The following CNTNAP2 variants were observed in gnomAD, a reference collection of about 807,000 sequenced individuals.
The protein encoded by CNTNAP2 is contactin associated protein 2, also known as contactin-associated protein-like 2.
A neutral mutation model predicts 155.2 loss-of-function variants in CNTNAP2; 98 were observed. The ratio of observed to expected loss-of-function variants is 0.63; its 90% CI spans 0.54 to 0.75. The LOEUF (loss-of-function observed/expected upper bound fraction) is 0.75, where lower values mean the gene tolerates loss of function less well. Among genes scored for constraint, CNTNAP2 ranks in the 30% least tolerant of loss-of-function variants. The pLI, the probability that CNTNAP2 is intolerant of heterozygous loss-of-function variation, is 0.00. For missense variants in CNTNAP2, 1,727 were observed against 1,688.1 expected, an observed-to-expected ratio of 1.02 and a Z score of -0.40; for synonymous variants, 651 against 631.2, an observed-to-expected ratio of 1.03 and a Z score of -0.47.
At chr7:147,331,354 G>T (rs1166436060) in intron 9 of CNTNAP2, among the ~76,000 whole-genome samples, 2 of 152,120 alleles carry the variant, frequency 1.3e-5, no homozygotes, top group Non-Finnish European at 2.9e-5. Flanking sequence ...CAAACATTTG[G>T]AAGTAAAGAT....
intron 10 of CNTNAP2, among the ~76,000 whole-genome samples, chr7:147,481,016 G>A (rs1383498581): frequency 6.6e-6 from 1 of 152,150 alleles, no homozygotes; most frequent in Non-Finnish European, 1.5e-5. Flanking sequence ...GATACACACG[G>A]CACTGTTCAT....
intron 3 of CNTNAP2, among the ~76,000 whole-genome samples, chr7:147,037,327 A>G (rs998809155): frequency 1.3e-5 from 2 of 151,998 alleles, no homozygotes; most frequent in African/African-American, 4.8e-5. Context: ...TATATTGTAT[A>G]TAAATGGGAA....
chr7:146,680,760 T>C (rs1800487872), intron 1 of CNTNAP2, among the ~76,000 whole-genome samples: 1 of 152,314 alleles, frequency 6.6e-6, no homozygotes, highest in South Asian at 2.1e-4. Context: ...CATGTGGCAA[T>C]GCTACAGCAG....
In CNTNAP2 at chr7:146,550,991, C is replaced by T. The variant is rs144054190; in HGVS notation, c.98-223280C>T. Among the ~76,000 whole-genome samples the T allele has an allele frequency of 8.8e-3, 1,337 of 151,888 alleles. 8 individuals carry two copies. Among genetic ancestry groups the T allele is most frequent in the Admixed American group, 0.013 (197 of 15,232 alleles). The stretch of plus-strand genomic sequence containing the variant: ...AATACCATGTTGACAGGCATGATTG[C>T]GGGAAAATTTGTAGATGGTGGAAAG... On this transcript the variant is annotated intron_variant, in intron 1 of 23. Transcript: ENST00000361727.
At chr7:148,037,121 A>G (rs1417191747) in intron 15 of CNTNAP2, among the ~76,000 whole-genome samples, 2 of 152,184 alleles carry the variant, frequency 1.3e-5, no homozygotes, top group African/African-American at 2.4e-5. Flanking sequence ...AGAATCCAGT[A>G]TTGCCCACTG....
chr7:146,539,656 C>T (rs1051054419), intron 1 of CNTNAP2, among the ~76,000 whole-genome samples: 4 of 152,010 alleles, frequency 2.6e-5, no homozygotes, highest in African/African-American at 9.7e-5. Flanking sequence ...TGCTGAAGAA[C>T]TGTAGATTTA....
chr7:147,905,901 A>G (rs928706763), intron 14 of CNTNAP2, among the ~76,000 whole-genome samples: 2 of 147,904 alleles, frequency 1.4e-5, no homozygotes, highest in African/African-American at 2.4e-5. Flanking sequence ...CAAAAAACAA[A>G]CAAACAAACA....
At chr7:146,974,628 G>C (rs116437331) in intron 3 of CNTNAP2, among the ~76,000 whole-genome samples, 263 of 152,236 alleles carry the variant, frequency 1.7e-3, no homozygotes, top group African/African-American at 6.0e-3. Flanking sequence ...TATTTAAATA[G>C]AGTCTTCACA....
intron 1 of CNTNAP2, among the ~76,000 whole-genome samples, chr7:146,258,327 T>G (rs1799870053): frequency 6.6e-6 from 1 of 152,238 alleles, no homozygotes; most frequent in Non-Finnish European, 1.5e-5. Context: ...GCCTGGATAC[T>G]AAGCCTCACA....
chr7:146,709,394 G>A (rs142723028), intron 1 of CNTNAP2, among the ~76,000 whole-genome samples: 27 of 152,156 alleles, frequency 1.8e-4, no homozygotes, highest in African/African-American at 6.0e-4. Flanking sequence ...AAAATGAAAG[G>A]GAAATCATAT....
intron 1 of CNTNAP2, among the ~76,000 whole-genome samples, chr7:146,622,539 A>G (rs1342354086): frequency 6.6e-6 from 1 of 152,116 alleles, no homozygotes; most frequent in Non-Finnish European, 1.5e-5. Flanking sequence ...ATCTGTATGT[A>G]TATTTAACTT....
chr7:147,858,036 G>A (rs1239629990), intron 13 of CNTNAP2, among the ~76,000 whole-genome samples: 2 of 152,208 alleles, frequency 1.3e-5, no homozygotes, highest in Non-Finnish European at 2.9e-5. Context: ...TGTTGAACTG[G>A]ATGAGGTATT....
At chr7:146,796,608 A>G (rs972463971) in intron 2 of CNTNAP2, among the ~76,000 whole-genome samples, 1 of 152,072 alleles carries the variant, frequency 6.6e-6, no homozygotes, top group Non-Finnish European at 1.5e-5. Context: ...AAGTGATATA[A>G]CGGTATAGGG....
chr7:146,174,671 A>G (rs538647787), intron 1 of CNTNAP2, among the ~76,000 whole-genome samples: 2 of 152,040 alleles, frequency 1.3e-5, no homozygotes, highest in Non-Finnish European at 2.9e-5. Context: ...AACCCCATCC[A>G]TCTCTACTAA....
chr7:147,617,426 C>A (rs192221852), intron 12 of CNTNAP2, among the ~76,000 whole-genome samples: 1,772 of 152,226 alleles, frequency 0.012, 17 homozygotes, highest in Non-Finnish European at 0.018. Flanking sequence ...TAATAAATGG[C>A]TTGTGGATGC....
At chr7:146,320,162 C>G (rs1584867483) in intron 1 of CNTNAP2, among the ~76,000 whole-genome samples, 1 of 152,064 alleles carries the variant, frequency 6.6e-6, no homozygotes, top group East Asian at 1.9e-4. Context: ...AAAAAATTGA[C>G]ATCATGTTTT....
chr7:147,420,134 C>A (rs1194616518), intron 10 of CNTNAP2, among the ~76,000 whole-genome samples: 1 of 152,142 alleles, frequency 6.6e-6, no homozygotes, highest in Non-Finnish European at 1.5e-5. Flanking sequence ...ATAAATTGCA[C>A]CATTTGCCAA....
At chr7:146,851,094 C>A (rs537424783) in intron 3 of CNTNAP2, among the ~76,000 whole-genome samples, 1 of 152,116 alleles carries the variant, frequency 6.6e-6, no homozygotes, top group Non-Finnish European at 1.5e-5. Context: ...AAGCGATTCT[C>A]CTGCTTCAGC....
intron 1 of CNTNAP2, among the ~76,000 whole-genome samples, chr7:146,126,729 C>T (rs554752213): frequency 6.6e-6 from 1 of 152,276 alleles, no homozygotes; most frequent in East Asian, 1.9e-4. Context: ...CATACAATAG[C>T]TAATCCATGA....
Sources: gnomAD v4.1 joint callset for allele counts (sites outside exome capture counted in the v4.1 genomes callset) on GRCh38, gnomAD v4.1.1 for gene constraint, MANE v1.5 for transcripts, NCBI Gene and HGNC (gene_info 2026-07-23, HGNC 2026-07-21) for gene names.